Variants in FOXN3 observed in about 807,000 individuals in gnomAD.
FOXN3 encodes the protein forkhead box N3.
FOXN3 carries 7 observed loss-of-function variants against 38.4 expected under a neutral mutation model. That is an observed-to-expected ratio of 0.18 (90% CI 0.10 to 0.34). FOXN3 has a LOEUF of 0.34. Ranked by LOEUF, FOXN3 falls within the 10% of genes least tolerant of loss-of-function variation. The pLI is 1.00. For synonymous variants in FOXN3, 230 were observed against 242.2 expected, an observed-to-expected ratio of 0.95 and a Z score of 0.47; for missense variants, 456 against 613.4, an observed-to-expected ratio of 0.74 and a Z score of 2.71.
chr14:89,551,475 C>T (rs373378638), intron 1 of FOXN3, among the ~76,000 whole-genome samples: 75 of 152,292 alleles, frequency 4.9e-4, no homozygotes, highest in African/African-American at 1.8e-3. Context: ...ATCACTACAA[C>T]CCATCTCACA....
chr14:89,230,468 A>C (rs1445192665), intron 4 of FOXN3, among the ~76,000 whole-genome samples: 1 of 152,106 alleles, frequency 6.6e-6, no homozygotes, highest in African/African-American at 2.4e-5. Flanking sequence ...TGTGGGGATC[A>C]TTTTCTCCCA....
chr14:89,442,609 G>A (rs1401769946), intron 1 of FOXN3, among the ~76,000 whole-genome samples: 1 of 152,142 alleles, frequency 6.6e-6, no homozygotes, highest in Non-Finnish European at 1.5e-5. Context: ...GGGAAACAAC[G>A]GATCCCTGAG....
intron 4 of FOXN3, among the ~76,000 whole-genome samples, chr14:89,188,026 T>G (rs893366881): frequency 2.6e-5 from 4 of 152,172 alleles, no homozygotes; most frequent in African/African-American, 9.7e-5. Context: ...GTGACCTTTG[T>G]AGGCACCCCG....
intron 2 of FOXN3, among the ~76,000 whole-genome samples, chr14:89,378,594 T>C (rs1205618666): frequency 1.3e-5 from 2 of 152,210 alleles, no homozygotes; most frequent in Admixed American, 6.5e-5. Flanking sequence ...AATTTAAATA[T>C]TTCTTTAACT....
chr14:89,158,610 T>C lies in FOXN3; in HGVS notation c.*3804A>G, dbSNP rs989538790. The C allele has an allele frequency of 2.0e-5, 3 of 152,596 alleles. No individual in the cohort carries two copies. Among genetic ancestry groups the C allele is most frequent in the Non-Finnish European group, 2.9e-5 (2 of 68,032 alleles). The allele number at this position is 152,596 out of a possible 1,614,324, so 9.5% of individuals were successfully genotyped here. ...GGAGGGGCAGGGAAGTAGGAGCTTA[T>C]GGTATATTATAAGGCTGGGAAAAAT... On this transcript the variant is annotated 3_prime_UTR_variant, in exon 6 of 6. Transcript: ENST00000557258.
chr14:89,571,852 C>T (rs1451134961), intron 1 of FOXN3, among the ~76,000 whole-genome samples: 1 of 152,186 alleles, frequency 6.6e-6, no homozygotes, highest in Admixed American at 6.5e-5. Context: ...ACCTCAAAAG[C>T]CCTTCAGATA....
rs192904971 is a variant in FOXN3 at position 89,203,447 on chromosome 14, G to C, written c.746-22641C>G. On this transcript the variant is annotated intron_variant, in intron 4 of 5. Coordinates refer to ENST00000557258, the MANE Select transcript of FOXN3 (RefSeq NM_005197.4). ...TTCTCCCTCCCACATAGACCAGCAA[G>C]CCTCATAGTGCCCTGTGTCTGTGGC... 5.4e-3 allele frequency among the ~76,000 whole-genome samples: 821 copies of C among 152,320 alleles called. 8 individuals are homozygous for C. Among genetic ancestry groups the C allele is most frequent in the African/African-American group, 0.019 (784 of 41,568 alleles).
At chr14:89,605,294 C>T (rs1393652716) in intron 1 of FOXN3, among the ~76,000 whole-genome samples, 1 of 152,064 alleles carries the variant, frequency 6.6e-6, no homozygotes, top group East Asian at 1.9e-4. Context: ...AGGAAAGATG[C>T]TAATTGGCTT....
At chr14:89,506,072 G>C (rs1893921820) in intron 1 of FOXN3, among the ~76,000 whole-genome samples, 1 of 143,338 alleles carries the variant, frequency 7.0e-6, no homozygotes, top group African/African-American at 2.6e-5. Flanking sequence ...AAGGGAGGTG[G>C]GGGGGTCAGC....
chr14:89,415,395 C>A (rs1285971031), intron 1 of FOXN3, among the ~76,000 whole-genome samples: 1 of 151,960 alleles, frequency 6.6e-6, no homozygotes, highest in Non-Finnish European at 1.5e-5. Flanking sequence ...ACACTGCCAG[C>A]AATATGGTTT....
intron 4 of FOXN3, among the ~76,000 whole-genome samples, chr14:89,239,851 T>C (rs940710821): frequency 2.0e-5 from 3 of 152,224 alleles, no homozygotes; most frequent in African/African-American, 7.2e-5. Flanking sequence ...TATGATCCTA[T>C]TTTCTAAATG....
chr14:89,412,560 T>G lies in FOXN3; in HGVS notation c.-14-70A>C, dbSNP rs375866889. 9.8e-6 allele frequency: 13 copies of G among 1,331,264 alleles called. No individual in the cohort carries two copies. The African/African-American group carries it at 1.6e-4, about 17-fold the overall frequency. 82.5% of individuals were successfully genotyped at this position (1,331,264 alleles called of 1,614,324 possible). On this transcript the variant is annotated intron_variant, in intron 1 of 5. Coordinates refer to ENST00000557258, the MANE Select transcript of FOXN3 (RefSeq NM_005197.4). This position sits in a 1 kb window ranked among gnomAD's most constrained non-coding sequence, Gnocchi z 4.7. ...AACAGAAAGGCAGACTGTACCCCTC[T>G]GATCCTGTTGCCTCCCTCTGCCGCC...
intron 1 of FOXN3, among the ~76,000 whole-genome samples, chr14:89,425,589 T>C (rs1025511915): frequency 6.6e-6 from 1 of 151,222 alleles, no homozygotes; most frequent in Non-Finnish European, 1.5e-5. Context: ...GGTCTCGAAC[T>C]CCTGACCTCA....
intron 1 of FOXN3, among the ~76,000 whole-genome samples, chr14:89,442,381 A>T (rs1240338012): frequency 1.3e-5 from 2 of 152,146 alleles, no homozygotes; most frequent in Non-Finnish European, 2.9e-5. Context: ...GTCTGAACTT[A>T]GTTAACAGGT....
intron 2 of FOXN3, among the ~76,000 whole-genome samples, chr14:89,368,443 G>C (rs1177142666): frequency 6.6e-6 from 1 of 151,676 alleles, no homozygotes; most frequent in Non-Finnish European, 1.5e-5. Context: ...AGGAGTTCAA[G>C]ACCAGCCTGG....
rs1049163212 is a variant in FOXN3, at chr14:89,194,688, A to G, written c.746-13882T>C. Among the ~76,000 whole-genome samples the G allele has an allele frequency of 5.4e-5, 8 of 149,234 alleles. No homozygotes were observed. In the South Asian group the frequency reaches 1.5e-3, roughly 28 times the overall value. On this transcript the variant is annotated intron_variant, in intron 4 of 5. Transcript: ENST00000557258. The stretch of plus-strand genomic sequence containing the variant: ...TACTTAAGTTTTTCCCTTTTTATTA[A>G]AAGTCATGAAAGTAATATGTGCTCA...
At chr14:89,429,067 G>A (rs1892105631) in intron 1 of FOXN3, among the ~76,000 whole-genome samples, 2 of 152,206 alleles carry the variant, frequency 1.3e-5, no homozygotes, top group African/African-American at 2.4e-5. Flanking sequence ...GCAACAGTTC[G>A]CTTTCTCTTA....
chr14:89,527,162 A>C (rs1239142490), intron 1 of FOXN3, among the ~76,000 whole-genome samples: 1 of 152,210 alleles, frequency 6.6e-6, no homozygotes, highest in African/African-American at 2.4e-5. Context: ...AAACGTTTCT[A>C]AAACAATTTG....
At chr14:89,415,576 T>C (rs937553029) in intron 1 of FOXN3, among the ~76,000 whole-genome samples, 5 of 81,852 alleles carry the variant, frequency 6.1e-5, no homozygotes, top group South Asian at 1.0e-3. Flanking sequence ...TACAGTTCCA[T>C]GTAAAAACAA....
Sources: gnomAD v4.1 joint callset for allele counts (sites outside exome capture counted in the v4.1 genomes callset) on GRCh38, gnomAD v4.1.1 for gene constraint, Gnocchi (gnomAD v3.1) non-coding constraint, MANE v1.5 for transcripts, NCBI Gene and HGNC (gene_info 2026-07-23, HGNC 2026-07-21) for gene names.